Variants in OSTN observed in about 807,000 individuals in gnomAD.
OSTN encodes the protein osteocrin.
OSTN carries 9 observed loss-of-function variants against 12.0 expected under a neutral mutation model. That is an observed-to-expected ratio of 0.75 (90% CI 0.45 to 1.30). The LOEUF (loss-of-function observed/expected upper bound fraction) is 1.30. Among genes scored for constraint, OSTN ranks in the 50% most tolerant of loss-of-function variants. The pLI is 0.00. For missense variants in OSTN, 148 were observed against 152.3 expected (o/e 0.97, Z 0.15); for synonymous variants, 59 against 56.9 (o/e 1.04, Z -0.16).
chr3:191,246,241 C>A (rs1415407689), intron 3 of OSTN, among the ~76,000 whole-genome samples: 6 of 151,952 alleles, frequency 3.9e-5, no homozygotes, highest in Non-Finnish European at 8.8e-5. Context: ...TGGTTTTTCA[C>A]TTCCTCTCAT....
intron 4 of OSTN, among the ~76,000 whole-genome samples, chr3:191,255,737 A>C (rs1319386338): frequency 1.3e-5 from 2 of 152,182 alleles, no homozygotes; most frequent in Non-Finnish European, 2.9e-5. Context: ...TCTGAAAAAA[A>C]AAACAAAAAT....
chr3:191,261,896 T>G (rs1249146169), intron 4 of OSTN, among the ~76,000 whole-genome samples: 1 of 152,170 alleles, frequency 6.6e-6, no homozygotes, highest in Admixed American at 6.5e-5. Context: ...GCCATTGAAA[T>G]CAGAATGTCA....
At chr3:191,237,886 A>ATG (rs1256838262) in intron 3 of OSTN, among the ~76,000 whole-genome samples, 1 of 152,200 alleles carries the variant, frequency 6.6e-6, no homozygotes, top group Non-Finnish European at 1.5e-5. Flanking sequence ...TTCATGCCCC[A>ATG]GTACAGCTCT....
Position 191,212,623 on chromosome 3 carries a change from AC to A in OSTN, c.92del (p.Thr31LysfsTer11), listed in dbSNP as rs1314698946. On this transcript the variant is annotated frameshift_variant, in exon 2 of 5. Transcript: ENST00000682035. LOFTEE classifies it high-confidence loss of function. ...AGGAAAAGTCCTCTCAGTAGATGTA[AC>A]AACAACAGAGGTAATGGAAACTAGC... ...SSGKVLSVDV[T>X]TTEAFDSGVI... The A allele has an allele frequency of 1.3e-6, 2 of 1,545,432 alleles. No individual in the cohort carries two copies. Among genetic ancestry groups the A allele is most frequent in the Admixed American group, 3.5e-5 (2 of 57,764 alleles).
At position 191,254,377 on chromosome 3, in the gene OSTN, C is replaced by T. The variant is rs73888512; in HGVS notation, c.*12+4244C>T. Among the ~76,000 whole-genome samples, 1,278 of 152,298 alleles carry T rather than the reference C, an allele frequency of 8.4e-3. 20 individuals are homozygous for T. Among genetic ancestry groups the T allele is most frequent in the African/African-American group, 0.029 (1,224 of 41,564 alleles). ...TTTCTGAGAAGTCCGTATCAGCAGGCGTGAAGGTTGTTTACATATAAGTGG... is the reference window on the plus strand; with the variant it reads ...TTTCTGAGAAGTCCGTATCAGCAGGTGTGAAGGTTGTTTACATATAAGTGG... On this transcript the variant is annotated intron_variant, in intron 4 of 4. Transcript: ENST00000682035.
Position 191,211,958 on chromosome 3 carries a change from A to T in OSTN, c.1-575A>T, listed in dbSNP as rs182973922. Among the ~76,000 whole-genome samples, 153 of 152,006 alleles carry T rather than the reference A, an allele frequency of 1.0e-3. 2 individuals carry two copies. In the East Asian group the frequency reaches 0.026, roughly 26 times the overall value. On this transcript the variant is annotated intron_variant, in intron 1 of 4. Transcript: ENST00000682035. ...TAAGTAATTTGTCTTTTTTTATTGT[A>T]TTTAATATGTAATTTTTTAATTTTG...
At chr3:191,219,973 C>G (rs915872132) in intron 3 of OSTN, among the ~76,000 whole-genome samples, 1 of 152,142 alleles carries the variant, frequency 6.6e-6, no homozygotes, top group Admixed American at 6.5e-5. Context: ...GGCTAGCAGG[C>G]TAATCATCTA....
chr3:191,215,652 C>T (rs1480739846), intron 2 of OSTN, among the ~76,000 whole-genome samples: 2 of 152,204 alleles, frequency 1.3e-5, no homozygotes, highest in Non-Finnish European at 2.9e-5. Context: ...ATCAGAAATC[C>T]TACAGGGCAG....
At chr3:191,244,038 A>G (rs933339335) in intron 3 of OSTN, among the ~76,000 whole-genome samples, 2 of 152,102 alleles carry the variant, frequency 1.3e-5, no homozygotes, top group Admixed American at 1.3e-4. Flanking sequence ...TTTCTAAAGT[A>G]GTGGTAATGC....
chr3:191,234,723 C>CA lies in OSTN; in HGVS notation c.318-15309dup, dbSNP rs1374569695. 168 of 145,256 alleles carry CA rather than the reference C, an allele frequency of 1.2e-3. 1 individual carries two copies. Among genetic ancestry groups the CA allele is most frequent in the African/African-American group, 4.2e-3 (163 of 38,630 alleles). 9.0% of individuals were successfully genotyped at this position (145,256 alleles called of 1,614,324 possible). ...AAAAAAAAAAAAAAAAAGCAAAGCA[C>CA]AAAAAGAAAAGAAAAGTAGTGACTT... On this transcript the variant is annotated intron_variant, in intron 3 of 4. Transcript: ENST00000682035.
chr3:191,240,276 C>T (rs1348239458), intron 3 of OSTN, among the ~76,000 whole-genome samples: 1 of 152,204 alleles, frequency 6.6e-6, no homozygotes, highest in African/African-American at 2.4e-5. Context: ...TCTCACATGT[C>T]AGTCCTTCCA....
intron 3 of OSTN, among the ~76,000 whole-genome samples, chr3:191,227,336 A>G (rs1338823626): frequency 6.6e-6 from 1 of 152,182 alleles, no homozygotes; most frequent in Non-Finnish European, 1.5e-5. Context: ...TTGAAAAACC[A>G]AAATAATTAC....
chr3:191,203,705 A>C (rs2108587408), intron 1 of OSTN, among the ~76,000 whole-genome samples: 1 of 152,226 alleles, frequency 6.6e-6, no homozygotes, highest in African/African-American at 2.4e-5. Flanking sequence ...TGTTTGGGAG[A>C]TAGAAAAGGG....
At chr3:191,236,707 A>G (rs1024751863) in intron 3 of OSTN, among the ~76,000 whole-genome samples, 1 of 152,180 alleles carries the variant, frequency 6.6e-6, no homozygotes, top group Non-Finnish European at 1.5e-5. Flanking sequence ...TTCTTAAGAT[A>G]TCGTGACATC....
intron 1 of OSTN, among the ~76,000 whole-genome samples, chr3:191,202,475 G>A (rs944896345): frequency 6.6e-6 from 1 of 152,064 alleles, no homozygotes; most frequent in Non-Finnish European, 1.5e-5. Context: ...CCTAATAAAT[G>A]CATCCTGTTT....
chr3:191,219,768 A>G (rs1714716498), intron 3 of OSTN, among the ~76,000 whole-genome samples: 1 of 152,212 alleles, frequency 6.6e-6, no homozygotes, highest in African/African-American at 2.4e-5. Flanking sequence ...CTCATCCTGA[A>G]CATTTCTCAC....
At position 191,226,943 on chromosome 3, in the gene OSTN, T is replaced by C. The variant is rs558894159; in HGVS notation, c.317+7982T>C. 1.3e-4 allele frequency among the ~76,000 whole-genome samples: 20 copies of C among 152,168 alleles called. No homozygotes were observed. In the East Asian group the frequency reaches 3.9e-3, roughly 29 times the overall value. On this transcript the variant is annotated intron_variant, in intron 3 of 4. Coordinates refer to ENST00000682035, the MANE Select transcript of OSTN (RefSeq NM_198184.2). ...AGAAGACATTGTTGGAAGTTCTACA[T>C]AGAGAAGGAATAGAGAAGCTCTTCT...
intron 4 of OSTN, among the ~76,000 whole-genome samples, chr3:191,256,822 T>TATAACC (rs1715681474): frequency 6.6e-6 from 1 of 152,114 alleles, no homozygotes; most frequent in Admixed American, 6.5e-5. Context: ...TCTTACAATT[T>TATAACC]TTAAAATTTC....
At position 191,219,377 on chromosome 3, in the gene OSTN, T is replaced by C. The variant is rs1714706350; in HGVS notation, c.317+416T>C. ...AACCGTTCCACATTGTGTGAATGAA[T>C]CTGAGTGACAAGTTCTCAGAACGTG... On this transcript the variant is annotated intron_variant, in intron 3 of 4. Transcript: ENST00000682035. Among the ~76,000 whole-genome samples, 6 of 152,238 alleles carry C rather than the reference T, an allele frequency of 3.9e-5. 1 individual carries two copies. In the South Asian group the frequency reaches 6.2e-4, roughly 16 times the overall value.
Sources: allele counts gnomAD v4.1 joint callset (sites outside exome capture counted in the v4.1 genomes callset), GRCh38; gene constraint gnomAD v4.1.1; transcripts MANE v1.5; gene names NCBI Gene and HGNC (gene_info 2026-07-23, HGNC 2026-07-21).